Variants in EPHA6 observed in about 807,000 individuals in gnomAD.
The protein encoded by EPHA6 is EPH receptor A6, also known as ephrin type-A receptor 6.
Under a neutral mutation model 112.0 loss-of-function variants are expected in EPHA6, and 50 were observed. The observed-to-expected ratio is 0.45, with a 90% CI of 0.36 to 0.56. EPHA6 has a LOEUF of 0.56. Among genes scored for constraint, EPHA6 ranks in the 20% least tolerant of loss-of-function variants. The pLI is 0.00. For missense variants in EPHA6, 1,280 were observed against 1,417.4 expected, an observed-to-expected ratio of 0.90 and a Z score of 1.56; for synonymous variants, 529 against 490.7, an observed-to-expected ratio of 1.08 and a Z score of -1.03.
At chr3:96,869,518 G>A (rs1240118870) in intron 2 of EPHA6, among the ~76,000 whole-genome samples, 1 of 152,006 alleles carries the variant, frequency 6.6e-6, no homozygotes, top group East Asian at 1.9e-4. Context: ...CATTTGGCCT[G>A]TAGGGTTGCA....
intron 5 of EPHA6, among the ~76,000 whole-genome samples, chr3:97,346,512 T>C (rs545361918): frequency 5.9e-5 from 9 of 152,128 alleles, no homozygotes; most frequent in Non-Finnish European, 1.3e-4. Context: ...TCTGCCATCC[T>C]CAGGACTTCC....
At chr3:96,837,130 A>G (rs2034464322) in intron 1 of EPHA6, among the ~76,000 whole-genome samples, 1 of 152,132 alleles carries the variant, frequency 6.6e-6, no homozygotes, top group African/African-American at 2.4e-5. Flanking sequence ...CATATTGGCT[A>G]TTGTAGAGCA....
Position 97,591,857 on chromosome 3 carries a change from C to A in EPHA6, c.2387-755C>A, listed in dbSNP as rs116688370. Among the ~76,000 whole-genome samples, 373 of 152,170 alleles carry A rather than the reference C, an allele frequency of 2.5e-3. 2 individuals are homozygous for A. Among genetic ancestry groups the A allele is most frequent in the African/African-American group, 8.7e-3 (361 of 41,526 alleles). Reference sequence around the variant, plus strand: ...CTACCAACCACGTGGCAGTGACTCCCCTCCTTAGGTCTCAGTTTGTTGGTC... The same window carrying A: ...CTACCAACCACGTGGCAGTGACTCCACTCCTTAGGTCTCAGTTTGTTGGTC... On this transcript the variant is annotated intron_variant, in intron 11 of 17. Transcript: ENST00000389672.
At chr3:97,203,764 A>C (rs1489331789) in intron 3 of EPHA6, among the ~76,000 whole-genome samples, 1 of 152,174 alleles carries the variant, frequency 6.6e-6, no homozygotes, top group Non-Finnish European at 1.5e-5. Flanking sequence ...CTGTCTCCTC[A>C]TTTGTAAAAG....
chr3:97,745,939 T>C (rs1167432113), intron 16 of EPHA6, among the ~76,000 whole-genome samples: 1 of 151,908 alleles, frequency 6.6e-6, no homozygotes, highest in Non-Finnish European at 1.5e-5. Flanking sequence ...AGCATGTATA[T>C]GCCCTTCTGC....
intron 6 of EPHA6, among the ~76,000 whole-genome samples, chr3:97,440,543 A>G (rs1006772331): frequency 2.6e-5 from 4 of 151,384 alleles, no homozygotes; most frequent in Non-Finnish European, 5.9e-5. Context: ...TAACAAAATC[A>G]GAGAAATTAA....
At chr3:97,130,223 A>G (rs1576541151) in intron 3 of EPHA6, among the ~76,000 whole-genome samples, 1 of 152,042 alleles carries the variant, frequency 6.6e-6, no homozygotes, top group Non-Finnish European at 1.5e-5. Flanking sequence ...ACATGTCTAC[A>G]GTATTCTGGG....
chr3:96,829,164 C>G (rs925341976), intron 1 of EPHA6, among the ~76,000 whole-genome samples: 4 of 152,026 alleles, frequency 2.6e-5, no homozygotes, highest in Non-Finnish European at 4.4e-5. Flanking sequence ...ATCTGTTTAT[C>G]AAGAACTTTT....
intron 3 of EPHA6, among the ~76,000 whole-genome samples, chr3:97,087,364 G>C (rs2046935175): frequency 6.6e-6 from 1 of 152,086 alleles, no homozygotes. Flanking sequence ...GGTCCCATTG[G>C]CTAAATTTAG....
At chr3:97,451,476 A>T (rs2090528180) in intron 7 of EPHA6, among the ~76,000 whole-genome samples, 1 of 151,760 alleles carries the variant, frequency 6.6e-6, no homozygotes, top group South Asian at 2.1e-4. Flanking sequence ...CCTTGAAGAG[A>T]TAAAATGTCT....
At chr3:96,996,708 T>C (rs1193275696) in intron 3 of EPHA6, among the ~76,000 whole-genome samples, 1 of 152,110 alleles carries the variant, frequency 6.6e-6, no homozygotes, top group Non-Finnish European at 1.5e-5. Flanking sequence ...TGTGAACAGA[T>C]GTACTGTCAT....
At chr3:97,558,475 T>C (rs1462222218) in intron 11 of EPHA6, among the ~76,000 whole-genome samples, 1 of 152,042 alleles carries the variant, frequency 6.6e-6, no homozygotes, top group Non-Finnish European at 1.5e-5. Flanking sequence ...TTTCCCTTCA[T>C]GGTTATTTCC....
intron 13 of EPHA6, among the ~76,000 whole-genome samples, chr3:97,614,453 GC>G (rs1221097818): frequency 6.8e-6 from 1 of 147,336 alleles, no homozygotes; most frequent in Non-Finnish European, 1.5e-5. Flanking sequence ...TCCTGCCTCA[GC>G]CTCCCAAGTA....
intron 7 of EPHA6, among the ~76,000 whole-genome samples, chr3:97,454,939 G>A (rs1039555782): frequency 6.6e-6 from 1 of 151,906 alleles, no homozygotes; most frequent in African/African-American, 2.4e-5. Context: ...CTACCCAGAG[G>A]AGGACAAATT....
intron 3 of EPHA6, among the ~76,000 whole-genome samples, chr3:97,122,002 G>A (rs1221655805): frequency 2.0e-5 from 3 of 152,018 alleles, no homozygotes. Context: ...GCTTATAGAT[G>A]TTATTGTATA....
At chr3:97,716,562 G>A (rs1168686556) in intron 14 of EPHA6, among the ~76,000 whole-genome samples, 3 of 109,582 alleles carry the variant, frequency 2.7e-5, no homozygotes, top group Admixed American at 9.2e-5. Flanking sequence ...GCGACAGAGC[G>A]AGACTCCGTC....
chr3:97,035,592 G>A (rs2108034029), intron 3 of EPHA6, among the ~76,000 whole-genome samples: 1 of 151,586 alleles, frequency 6.6e-6, no homozygotes, highest in African/African-American at 2.4e-5. Flanking sequence ...TGAGATTTTG[G>A]CCTTCAACAC....
rs1156495517 is a variant in EPHA6 at position 97,729,164 on chromosome 3, C to T, written c.2935-6761C>T. Among the ~76,000 whole-genome samples the T allele has an allele frequency of 2.0e-5, 3 of 152,192 alleles. No individual in the cohort carries two copies. The South Asian group carries it at 6.2e-4, about 32-fold the overall frequency. ...TGTTTTCTCTGTCTAAATATTTCAT[C>T]ACTGTAACGCCTTTTTTCTATAATT... On this transcript the variant is annotated intron_variant, in intron 15 of 17. Coordinates refer to ENST00000389672, the MANE Select transcript of EPHA6 (RefSeq NM_001080448.3).
chr3:97,626,564 T>C (rs301921), intron 13 of EPHA6, among the ~76,000 whole-genome samples: 76,590 of 151,042 alleles, frequency 0.51, 22,203 homozygotes, highest in Middle Eastern at 0.66. Context: ...AAATAAAGAG[T>C]CTAATAGACT....
Sources: gnomAD v4.1 joint callset for allele counts (sites outside exome capture counted in the v4.1 genomes callset) on GRCh38, gnomAD v4.1.1 for gene constraint, MANE v1.5 for transcripts, NCBI Gene and HGNC (gene_info 2026-07-23, HGNC 2026-07-21) for gene names.